BBS9: variants seen among roughly 807,000 people sequenced by gnomAD.
BBS9 encodes the protein protein PTHB1.
In BBS9, 89 loss-of-function variants were observed where a neutral mutation model predicts 117.7. That is an observed-to-expected ratio of 0.76 (90% CI 0.64 to 0.90). BBS9 has a LOEUF of 0.90. BBS9 is among the 40% of genes least tolerant of loss of function. The pLI is 0.00. For synonymous variants in BBS9, 379 were observed against 370.9 expected (o/e 1.02, Z -0.25); for missense variants, 982 against 1,042.2 (o/e 0.94, Z 0.80).
At chr7:33,549,904 A>G (rs1010967661) in intron 21 of BBS9, among the ~76,000 whole-genome samples, 7 of 152,198 alleles carry the variant, frequency 4.6e-5, no homozygotes, top group African/African-American at 7.2e-5. Context: ...GAGGTTTTGT[A>G]TCACATCAAA....
intron 9 of BBS9, among the ~76,000 whole-genome samples, chr7:33,321,902 G>GT (rs1410620610): frequency 6.6e-6 from 1 of 151,746 alleles, no homozygotes; most frequent in African/African-American, 2.4e-5. Flanking sequence ...TCTATACCCA[G>GT]TTTTTTGAGG....
rs1414749162 is a variant in BBS9, at chr7:33,565,839, ACTGCT to A, written c.2521+31664_2521+31668del. Among the ~76,000 whole-genome samples, 257 of 36,794 alleles carry A rather than the reference ACTGCT, an allele frequency of 7.0e-3. 6 individuals carry two copies. Among genetic ancestry groups the A allele is most frequent in the African/African-American group, 0.043 (151 of 3,486 alleles). The allele number at this position is 36,794 out of a possible 152,430, so 24.1% of individuals were successfully genotyped here. ...TATATATATATATACCGCTATATAT[ACTGCT>A]TATATATATATATATATATATATAT... On this transcript the variant is annotated intron_variant, in intron 21 of 22. Transcript: ENST00000242067.
chr7:33,371,208 A>G (rs573627456), intron 17 of BBS9, among the ~76,000 whole-genome samples: 1 of 152,330 alleles, frequency 6.6e-6, no homozygotes, highest in East Asian at 1.9e-4. Context: ...TATAGTTTAT[A>G]TAATTATAAA....
chr7:33,530,201 C>G (rs750540816), intron 20 of BBS9, among the ~76,000 whole-genome samples: 1 of 152,158 alleles, frequency 6.6e-6, no homozygotes, highest in Non-Finnish European at 1.5e-5. Flanking sequence ...TTCAGTCCCT[C>G]CAAGTAATAA....
intron 20 of BBS9, among the ~76,000 whole-genome samples, chr7:33,527,077 C>T (rs7805496): frequency 1.3e-5 from 2 of 148,854 alleles, no homozygotes; most frequent in Non-Finnish European, 3.0e-5. Context: ...AGGGGTCAGG[C>T]ACCCACTTGA....
At chr7:33,360,473 C>T (rs968195633) in intron 16 of BBS9, among the ~76,000 whole-genome samples, 1 of 150,994 alleles carries the variant, frequency 6.6e-6, no homozygotes, top group Admixed American at 6.6e-5. Context: ...ATATAAATAG[C>T]TATCTGGGGT....
rs150930525 is a variant in BBS9 at position 33,360,998 on chromosome 7, C to G, written c.1693+3003C>G. Among the ~76,000 whole-genome samples the G allele has an allele frequency of 4.6e-5, 7 of 152,218 alleles. No homozygotes were observed. The East Asian group carries it at 1.4e-3, about 29-fold the overall frequency. On this transcript the variant is annotated intron_variant, in intron 16 of 22. Transcript: ENST00000242067. Reference sequence around the variant, plus strand: ...AGATATTTGCTTCAGCTTCAGGCATCATATCTTACTACAAGGTAGGAGGTA... The same window carrying G: ...AGATATTTGCTTCAGCTTCAGGCATGATATCTTACTACAAGGTAGGAGGTA...
rs1410587727 is a variant in BBS9, at chr7:33,169,175, G to A, written c.329-8303G>A. Among the ~76,000 whole-genome samples, 4 of 151,354 alleles carry A rather than the reference G, an allele frequency of 2.6e-5. No individual in the cohort carries two copies. In the East Asian group the frequency reaches 7.7e-4, roughly 29 times the overall value. The stretch of plus-strand genomic sequence containing the variant: ...TTATGGCTGCATAGTATTCCATGGT[G>A]TATATGTGCCACATTTTCTTAATCC... On this transcript the variant is annotated intron_variant, in intron 4 of 22. Coordinates refer to ENST00000242067, the MANE Select transcript of BBS9 (RefSeq NM_198428.3).
intron 5 of BBS9, among the ~76,000 whole-genome samples, chr7:33,189,496 G>T (rs1444431727): frequency 1.3e-5 from 2 of 151,840 alleles, no homozygotes; most frequent in African/African-American, 4.8e-5. Flanking sequence ...TTAAAAGTCA[G>T]ACCCTTTGGA....
chr7:33,407,971 C>G (rs1179153197), intron 19 of BBS9, among the ~76,000 whole-genome samples: 1 of 152,230 alleles, frequency 6.6e-6, no homozygotes, highest in Non-Finnish European at 1.5e-5. Context: ...TCAAAGCTGT[C>G]AGACAGGGAC....
At chr7:33,634,262 A>G (rs1403032355) in intron 21 of BBS9, among the ~76,000 whole-genome samples, 1 of 152,156 alleles carries the variant, frequency 6.6e-6, no homozygotes, top group Non-Finnish European at 1.5e-5. Flanking sequence ...GGAGGACAAG[A>G]CCCAACAGAG....
rs565717199 is a variant in BBS9 at position 33,243,352 on chromosome 7, A to G, written c.443-13884A>G. The stretch of plus-strand genomic sequence containing the variant: ...CACAAGGAGTGTTACATAGTTACAC[A>G]TGTCCTTCACATTCATATCTGATGC... On this transcript the variant is annotated intron_variant, in intron 5 of 22. Coordinates refer to ENST00000242067, the MANE Select transcript of BBS9 (RefSeq NM_198428.3). Among the ~76,000 whole-genome samples, 19 of 152,368 alleles carry G rather than the reference A, an allele frequency of 1.2e-4. No individual in the cohort carries two copies. The East Asian group carries it at 3.3e-3, about 26-fold the overall frequency.
At chr7:33,570,581 G>A (rs1030158454) in intron 21 of BBS9, among the ~76,000 whole-genome samples, 9 of 152,182 alleles carry the variant, frequency 5.9e-5, no homozygotes, top group African/African-American at 2.2e-4. Context: ...ACATCAGTGA[G>A]AGAAAGTTTG....
At chr7:33,245,036 G>A (rs1183375219) in intron 5 of BBS9, among the ~76,000 whole-genome samples, 1 of 152,078 alleles carries the variant, frequency 6.6e-6, no homozygotes, top group African/African-American at 2.4e-5. Context: ...TTGTACCCAG[G>A]CTCTAATAAT....
intron 21 of BBS9, among the ~76,000 whole-genome samples, chr7:33,623,603 C>CG (rs1865511369): frequency 6.6e-6 from 1 of 152,074 alleles, no homozygotes. Flanking sequence ...AAAGAAAAAC[C>CG]AAACCCCCAA....
chr7:33,383,291 T>G (rs561242267), intron 17 of BBS9, among the ~76,000 whole-genome samples: 1 of 152,346 alleles, frequency 6.6e-6, no homozygotes, highest in East Asian at 1.9e-4. Context: ...CTTCAGTATT[T>G]TGAAATGATA....
intron 11 of BBS9, among the ~76,000 whole-genome samples, chr7:33,344,335 C>T (rs1422300652): frequency 6.6e-6 from 1 of 151,990 alleles, no homozygotes; most frequent in Admixed American, 6.6e-5. Flanking sequence ...TCCCAAAGTG[C>T]TGGGATTACA....
chr7:33,380,267 C>A, intron 17 of BBS9: 1 of 173,470 alleles, frequency 5.8e-6, no homozygotes, highest in South Asian at 1.7e-4. Flanking sequence ...ACTACAAGCT[C>A]CACCTGCACC....
At chr7:33,273,772 A>G (rs567756509) in intron 8 of BBS9, 55 bp from the exon 9 acceptor site, 2 of 1,539,318 alleles carry the variant, frequency 1.3e-6, no homozygotes. Context: ...AAAGAGATAT[A>G]CTTTTCCAAA....
Sources: allele counts gnomAD v4.1 joint callset (sites outside exome capture counted in the v4.1 genomes callset), GRCh38; gene constraint gnomAD v4.1.1; transcripts MANE v1.5; gene names NCBI Gene and HGNC (gene_info 2026-07-23, HGNC 2026-07-21).